Variants in ANKS1B observed in about 807,000 individuals in gnomAD.
ANKS1B encodes ankyrin repeat and sterile alpha motif domain containing 1B, also known as ankyrin repeat and sterile alpha motif domain-containing protein 1B.
A neutral mutation model predicts 148.3 loss-of-function variants in ANKS1B; 36 were observed. The observed-to-expected ratio is 0.24, with a 90% confidence interval of 0.19 to 0.32. ANKS1B has a LOEUF of 0.32. Among genes scored for constraint, ANKS1B ranks in the 10% least tolerant of loss-of-function variants. The pLI is 1.00. For missense variants in ANKS1B, 1,157 were observed against 1,542.6 expected (o/e 0.75, Z 4.19); for synonymous variants, 542 against 560.8 (o/e 0.97, Z 0.47).
At chr12:99,346,460 C>T (rs1402125645) in intron 12 of ANKS1B, among the ~76,000 whole-genome samples, 2 of 150,494 alleles carry the variant, frequency 1.3e-5, no homozygotes, top group Non-Finnish European at 3.0e-5. Flanking sequence ...AGCTGTTTTC[C>T]CAAATGGAGA....
At chr12:99,439,919 A>G (rs2095522158) in intron 11 of ANKS1B, among the ~76,000 whole-genome samples, 1 of 151,820 alleles carries the variant, frequency 6.6e-6, no homozygotes, top group Admixed American at 6.6e-5. Flanking sequence ...TAATGAACAA[A>G]TTGTAATATA....
chr12:99,397,347 G>C (rs1332996089), intron 12 of ANKS1B, among the ~76,000 whole-genome samples: 1 of 152,104 alleles, frequency 6.6e-6, no homozygotes, highest in East Asian at 1.9e-4. Context: ...CTCATAGCTA[G>C]GTAAGAGGCT....
rs149927585 is a variant in ANKS1B at position 98,774,145 on chromosome 12, T to C, written c.3442-966A>G. On this transcript the variant is annotated intron_variant, in intron 24 of 26. Transcript: ENST00000683438. ...TATTAACAACACTTTCCTAACTACA[T>C]CCACTGTGTATAATTAGGAGGTGGT... Among the ~76,000 whole-genome samples, 4 of 152,292 alleles carry C rather than the reference T, an allele frequency of 2.6e-5. No homozygotes were observed. The East Asian group carries it at 7.7e-4, about 29-fold the overall frequency.
chr12:98,816,856 C>T (rs1048997424), intron 19 of ANKS1B, among the ~76,000 whole-genome samples: 7 of 152,038 alleles, frequency 4.6e-5, no homozygotes, highest in African/African-American at 1.4e-4. Context: ...TCCATCAACT[C>T]GATAACCCCT....
intron 1 of ANKS1B, among the ~76,000 whole-genome samples, chr12:99,849,786 A>G (rs2087397507): frequency 6.6e-6 from 1 of 152,190 alleles, no homozygotes; most frequent in Non-Finnish European, 1.5e-5. Flanking sequence ...TTGAAAAACG[A>G]AAACAGGACA....
At position 99,640,904 on chromosome 12, in the gene ANKS1B, T is replaced by A. The variant is rs116323571; in HGVS notation, c.1272+14163A>T. On this transcript the variant is annotated intron_variant, in intron 9 of 26. Coordinates refer to ENST00000683438, the MANE Select transcript of ANKS1B (RefSeq NM_001352186.2). ...TTATGGCATTTATTTTTTCAGAAAA[T>A]ATAAAATCTTTATTAGAAAAATTAG... Among the ~76,000 whole-genome samples the A allele has an allele frequency of 5.7e-3, 867 of 152,300 alleles. 15 individuals carry two copies. Among genetic ancestry groups the A allele is most frequent in the African/African-American group, 0.02 (823 of 41,566 alleles).
chr12:99,727,088 G>A (rs997634020), intron 8 of ANKS1B, among the ~76,000 whole-genome samples: 1 of 152,094 alleles, frequency 6.6e-6, no homozygotes, highest in Non-Finnish European at 1.5e-5. Context: ...GCAAGACAAG[G>A]ATGCCCTCAC....
At chr12:99,653,215 A>G (rs1167761578) in intron 9 of ANKS1B, among the ~76,000 whole-genome samples, 1 of 152,194 alleles carries the variant, frequency 6.6e-6, no homozygotes, top group Non-Finnish European at 1.5e-5. Flanking sequence ...GAAAAAAGCA[A>G]ATGTTAGTAA....
intron 25 of ANKS1B, among the ~76,000 whole-genome samples, chr12:98,756,988 C>T (rs1275441293): frequency 6.6e-6 from 1 of 151,564 alleles, no homozygotes; most frequent in East Asian, 1.9e-4. Flanking sequence ...CTCGGCCTCC[C>T]AAAGTGCTGG....
At chr12:98,955,071 G>A (rs560465795) in intron 17 of ANKS1B, among the ~76,000 whole-genome samples, 8 of 152,130 alleles carry the variant, frequency 5.3e-5, no homozygotes, top group South Asian at 4.2e-4. Flanking sequence ...GATAAATCAC[G>A]CATTAAAATG....
chr12:98,886,331 C>A (rs980018495), intron 17 of ANKS1B, among the ~76,000 whole-genome samples: 1 of 152,146 alleles, frequency 6.6e-6, no homozygotes, highest in African/African-American at 2.4e-5. Context: ...GTAGACACTT[C>A]TGATAGTTGA....
chr12:99,835,031 A>C (rs1016862124), intron 1 of ANKS1B, among the ~76,000 whole-genome samples: 7 of 152,314 alleles, frequency 4.6e-5, no homozygotes, highest in African/African-American at 1.7e-4. Context: ...AGTTCTCATC[A>C]GTTTAGTGAT....
In ANKS1B at chr12:99,400,187, T is replaced by C. The variant is rs188665171; in HGVS notation, c.1576-376A>G. Among the ~76,000 whole-genome samples the C allele has an allele frequency of 6.0e-3, 677 of 112,218 alleles. 88 individuals are homozygous for C. The highest frequency in any genetic ancestry group is 0.022 in the African/African-American group (594 of 26,724). The allele number at this position is 112,218 out of a possible 152,430, so 73.6% of individuals were successfully genotyped here. A position where few individuals can be genotyped will look rare whatever the true frequency, so the allele number is the denominator to read the frequency against. On this transcript the variant is annotated intron_variant, in intron 11 of 26. Coordinates refer to ENST00000683438, the MANE Select transcript of ANKS1B (RefSeq NM_001352186.2). ...TGGCATTTGCCAGACCCAGAGGATA[T>C]AGAATCTAATAATAAAAGGGCCTTA...
intron 15 of ANKS1B, among the ~76,000 whole-genome samples, chr12:99,121,078 G>A (rs1455613592): frequency 6.6e-6 from 1 of 151,858 alleles, no homozygotes; most frequent in East Asian, 1.9e-4. Flanking sequence ...CTATATGCCA[G>A]CCTCCAAAAT....
At chr12:99,534,037 C>G (rs1350287941) in intron 9 of ANKS1B, among the ~76,000 whole-genome samples, 1 of 152,094 alleles carries the variant, frequency 6.6e-6, no homozygotes, top group Non-Finnish European at 1.5e-5. Flanking sequence ...TAGTCATTTA[C>G]TTCACAGAGA....
chr12:98,862,004 A>G (rs1243636171), intron 17 of ANKS1B, among the ~76,000 whole-genome samples: 1 of 152,102 alleles, frequency 6.6e-6, no homozygotes, highest in Admixed American at 6.5e-5. Flanking sequence ...TGCTATTAGT[A>G]TTTCAAACCT....
intron 9 of ANKS1B, chr12:99,647,805 T>G: frequency 4.4e-6 from 1 of 229,694 alleles, no homozygotes; most frequent in African/African-American, 2.2e-5. Context: ...CCAGTTAAGG[T>G]TGTGGAATCA....
intron 19 of ANKS1B, among the ~76,000 whole-genome samples, chr12:98,828,113 T>C (rs1459230525): frequency 6.6e-6 from 1 of 152,128 alleles, no homozygotes; most frequent in Non-Finnish European, 1.5e-5. Flanking sequence ...AATCCCAACA[T>C]TGCCATTGCC....
intron 16 of ANKS1B, among the ~76,000 whole-genome samples, chr12:99,058,983 C>T (rs1456418472): frequency 6.6e-6 from 1 of 151,018 alleles, no homozygotes; most frequent in Non-Finnish European, 1.5e-5. Flanking sequence ...GTGATCCGCC[C>T]GCCTCGGCCT....
Sources: gnomAD v4.1 joint callset for allele counts (sites outside exome capture counted in the v4.1 genomes callset) on GRCh38, gnomAD v4.1.1 for gene constraint, MANE v1.5 for transcripts, NCBI Gene and HGNC (gene_info 2026-07-23, HGNC 2026-07-21) for gene names.